EXOC6B: variants seen among roughly 807,000 people sequenced by gnomAD.
EXOC6B encodes exocyst complex component 6B, also known as SEC15 homolog B.
EXOC6B carries 54 observed loss-of-function variants against 113.5 expected under a neutral mutation model. That is an observed-to-expected ratio of 0.48 (90% CI 0.38 to 0.60). The LOEUF (loss-of-function observed/expected upper bound fraction) is 0.60. Ranked by LOEUF, EXOC6B falls within the 20% of genes least tolerant of loss-of-function variation. The pLI is 0.00. For synonymous variants in EXOC6B, 357 were observed against 339.0 expected (o/e 1.05, Z -0.58); for missense variants, 797 against 977.5 (o/e 0.82, Z 2.46).
At chr2:72,595,473 A>G (rs921518227) in intron 6 of EXOC6B, among the ~76,000 whole-genome samples, 3 of 151,360 alleles carry the variant, frequency 2.0e-5, no homozygotes, top group Non-Finnish European at 3.0e-5. Context: ...TATAATATCA[A>G]GAAGTTAAGA....
intron 6 of EXOC6B, among the ~76,000 whole-genome samples, chr2:72,667,944 G>C (rs571607799): frequency 1.1e-4 from 16 of 152,056 alleles, no homozygotes; most frequent in South Asian, 2.1e-4. Flanking sequence ...CTACAGAATG[G>C]GAGAAAATAT....
intron 8 of EXOC6B, among the ~76,000 whole-genome samples, chr2:72,527,607 T>A (rs1701803713): frequency 6.6e-6 from 1 of 152,008 alleles, no homozygotes; most frequent in Non-Finnish European, 1.5e-5. Context: ...CAAGGTCATA[T>A]GGAAGTTGTT....
chr2:72,402,639 A>G (rs888453264), intron 18 of EXOC6B, among the ~76,000 whole-genome samples: 1 of 152,136 alleles, frequency 6.6e-6, no homozygotes, highest in African/African-American at 2.4e-5. Context: ...GCTTTCTCAG[A>G]TAGTTTCTGT....
rs147643890 is a variant in EXOC6B, at chr2:72,609,205, A to G, written c.670-33537T>C. Among the ~76,000 whole-genome samples the G allele has an allele frequency of 6.2e-3, 941 of 152,230 alleles. 7 individuals are homozygous for G. The highest frequency in any genetic ancestry group is 0.021 in the African/African-American group (864 of 41,552). On this transcript the variant is annotated intron_variant, in intron 6 of 21. Transcript: ENST00000272427. ...ATCAAAAATTATGAGACATGGGAAAAAGCAGAAGAATGTGACTCATAATCA... is the reference window on the plus strand; with the variant it reads ...ATCAAAAATTATGAGACATGGGAAAGAGCAGAAGAATGTGACTCATAATCA...
chr2:72,421,891 G>A (rs897495411), intron 18 of EXOC6B, among the ~76,000 whole-genome samples: 6 of 152,224 alleles, frequency 3.9e-5, no homozygotes, highest in African/African-American at 1.4e-4. Context: ...AGTTCCGGGT[G>A]GGCATGGTCT....
intron 8 of EXOC6B, among the ~76,000 whole-genome samples, chr2:72,539,221 G>A (rs1381287785): frequency 6.6e-6 from 1 of 152,184 alleles, no homozygotes; most frequent in African/African-American, 2.4e-5. Flanking sequence ...GGGGAGGGGA[G>A]CATCTAACAT....
At chr2:72,535,843 C>G (rs902862049) in intron 8 of EXOC6B, among the ~76,000 whole-genome samples, 1 of 149,658 alleles carries the variant, frequency 6.7e-6, no homozygotes, top group African/African-American at 2.5e-5. Flanking sequence ...GCACTCCAGC[C>G]TGGGCAACGA....
At chr2:72,686,985 A>G (rs1249587884) in intron 6 of EXOC6B, among the ~76,000 whole-genome samples, 1 of 151,978 alleles carries the variant, frequency 6.6e-6, no homozygotes, top group African/African-American at 2.4e-5. Flanking sequence ...AAAAAGACAA[A>G]AAATTAGCCG....
chr2:72,553,654 T>C (rs923639211), intron 8 of EXOC6B, among the ~76,000 whole-genome samples: 1 of 152,014 alleles, frequency 6.6e-6, no homozygotes, highest in Non-Finnish European at 1.5e-5. Context: ...ACATACAGAT[T>C]ATGTAGTAGA....
At chr2:72,460,263 A>C (rs927176500) in intron 18 of EXOC6B, among the ~76,000 whole-genome samples, 8 of 124,326 alleles carry the variant, frequency 6.4e-5, no homozygotes, top group African/African-American at 3.3e-4. Flanking sequence ...CTAGAAGAAA[A>C]CCTAGGCAAT....
intron 20 of EXOC6B, among the ~76,000 whole-genome samples, chr2:72,188,282 T>G (rs142165577): frequency 3.9e-5 from 6 of 152,368 alleles, no homozygotes; most frequent in Non-Finnish European, 7.3e-5. Flanking sequence ...ATTTCCATTT[T>G]TGTCTTCCTG....
Position 72,302,241 on chromosome 2 carries a change from G to A in EXOC6B, c.2196+32706C>T, listed in dbSNP as rs570187457. ...TTTTGATTCTTTTGCATTTGCTGAGGATTGTTTTATGTTCGATTGTGTGGT... is the reference window on the plus strand; with the variant it reads ...TTTTGATTCTTTTGCATTTGCTGAGAATTGTTTTATGTTCGATTGTGTGGT... On this transcript the variant is annotated intron_variant, in intron 20 of 21. Coordinates refer to ENST00000272427, the MANE Select transcript of EXOC6B (RefSeq NM_015189.3). Among the ~76,000 whole-genome samples the A allele has an allele frequency of 2.4e-4, 37 of 152,244 alleles. 1 individual carries two copies. Among genetic ancestry groups the A allele is most frequent in the African/African-American group, 8.7e-4 (36 of 41,522 alleles).
intron 18 of EXOC6B, among the ~76,000 whole-genome samples, chr2:72,428,795 G>A (rs1695358815): frequency 6.6e-6 from 1 of 152,160 alleles, no homozygotes; most frequent in African/African-American, 2.4e-5. Context: ...CAAGGTCACT[G>A]CTATTGTTTC....
At chr2:72,739,907 T>C (rs959432204) in intron 2 of EXOC6B, among the ~76,000 whole-genome samples, 1 of 152,190 alleles carries the variant, frequency 6.6e-6, no homozygotes, top group African/African-American at 2.4e-5. Flanking sequence ...CCTTAGGACC[T>C]AATGTGTTTA....
chr2:72,426,238 C>T (rs1456718391), intron 18 of EXOC6B, among the ~76,000 whole-genome samples: 1 of 152,158 alleles, frequency 6.6e-6, no homozygotes, highest in Admixed American at 6.5e-5. Context: ...TCATCCCCAT[C>T]TGCCAACACT....
At chr2:72,546,385 T>C (rs1197938349) in intron 8 of EXOC6B, among the ~76,000 whole-genome samples, 1 of 151,616 alleles carries the variant, frequency 6.6e-6, no homozygotes. Context: ...GGAGGCAGAG[T>C]GAGCCAAGAT....
intron 18 of EXOC6B, chr2:72,461,555 T>A (rs1166007359): frequency 1.3e-5 from 2 of 152,014 alleles, no homozygotes; most frequent in East Asian, 3.9e-4. Flanking sequence ...ATTATATGAA[T>A]ATACAATAAT....
chr2:72,183,861 G>A (rs1033598071), intron 21 of EXOC6B, among the ~76,000 whole-genome samples: 1 of 152,062 alleles, frequency 6.6e-6, no homozygotes, highest in Non-Finnish European at 1.5e-5. Context: ...TACTTGGCCT[G>A]GCTTGTTGGG....
At chr2:72,738,553 G>A (rs1231542829) in intron 2 of EXOC6B, among the ~76,000 whole-genome samples, 1 of 152,176 alleles carries the variant, frequency 6.6e-6, no homozygotes, top group Admixed American at 6.5e-5. Flanking sequence ...ATCGTCAGTT[G>A]AAACTGCAGG....
Sources: allele counts gnomAD v4.1 joint callset (sites outside exome capture counted in the v4.1 genomes callset), GRCh38; gene constraint gnomAD v4.1.1; transcripts MANE v1.5; gene names NCBI Gene and HGNC (gene_info 2026-07-23, HGNC 2026-07-21).